Variants in FAM110C observed in about 807,000 individuals in gnomAD.
FAM110C encodes the protein protein FAM110C.
Under a neutral mutation model 15.7 loss-of-function variants are expected in FAM110C, and 19 were observed. The observed-to-expected ratio is 1.21, with a 90% CI of 0.85 to 1.78. The LOEUF is 1.78. Among genes scored for constraint, FAM110C ranks in the 40% most tolerant of loss-of-function variants. The pLI is 0.00. For missense variants in FAM110C, 547 were observed against 495.7 expected (o/e 1.10, Z -0.98); for synonymous variants, 275 against 233.9 (o/e 1.18, Z -1.61).
Position 45,070 on chromosome 2 carries a change from T to C in FAM110C, c.946+370A>G. The C allele has an allele frequency of 3.0e-6, 3 of 985,410 alleles. No homozygotes were observed. In the South Asian group the frequency reaches 1.4e-4, roughly 46 times the overall value. The allele number at this position is 985,410 out of a possible 1,614,324, so 61.0% of individuals were successfully genotyped here. A position where few individuals can be genotyped will look rare whatever the true frequency, so the allele number is the denominator to read the frequency against. On this transcript the variant is annotated intron_variant, in intron 1 of 1. Coordinates refer to ENST00000327669, the MANE Select transcript of FAM110C (RefSeq NM_001077710.3). ...CAGGAACTAGGGCTCTCAAGCTGTT[T>C]TCAGCTCAGGAAAGAATACTAGGGG...
Position 46,316 on chromosome 2 carries a change from G to A in FAM110C, c.70C>T (p.Arg24Trp). The change falls in exon 1 of 2, where the codon CGG becomes TGG. Residue 24 changes from arginine to tryptophan, a missense_variant. Physicochemically the swap from Arg to Trp is moderately radical, Grantham distance 101 (BLOSUM62 -3). Coordinates refer to ENST00000327669, the MANE Select transcript of FAM110C (RefSeq NM_001077710.3). ...GCCGGCCGCGCGGCGTCGGGGTCCC[G>A]GGTAGCCGCGGGGTCCCGGGGAAGG... ...RLLPRDPAAT[R>W]DPDAARPARR... The A allele has an allele frequency of 2.3e-6, 3 of 1,327,598 alleles. No homozygotes were observed. The highest frequency in any genetic ancestry group is 1.9e-6 in the Non-Finnish European group (2 of 1,046,036). 82.2% of individuals were successfully genotyped at this position (1,327,598 alleles called of 1,614,324 possible).
In FAM110C at chr2:45,872, C is replaced by A; in HGVS notation, c.514G>T (p.Ala172Ser). 1 of 1,487,164 alleles carries A rather than the reference C, an allele frequency of 6.7e-7. No homozygotes were observed. Among genetic ancestry groups the A allele is most frequent in the Non-Finnish European group, 8.9e-7 (1 of 1,128,246 alleles). 92.1% of individuals were successfully genotyped at this position (1,487,164 alleles called of 1,614,324 possible). ...PAIPETPAPA[A>S]RSAAPSSVPA... The stretch of plus-strand genomic sequence containing the variant: ...ACACTGGAGGGCGCCGCGGACCGCG[C>A]GGCTGGGGCTGGGGTCTCGGGGATT... Residue 172 changes from alanine to serine, a missense_variant, in exon 1 of 2, where the codon GCG becomes TCG. Coordinates refer to ENST00000327669, the MANE Select transcript of FAM110C (RefSeq NM_001077710.3).
At chr2:43,016 T>C (rs1395804303) in intron 1 of FAM110C, 1 of 985,340 alleles carries the variant, frequency 1.0e-6, no homozygotes, top group Non-Finnish European at 1.2e-6. Context: ...TCCCTGCTGG[T>C]CTCCTCCAGT....
In FAM110C at chr2:46,315, C is replaced by T; in HGVS notation, c.71G>A (p.Arg24Gln). Residue 24 changes from arginine (R) to glutamine (Q), a missense_variant, in exon 1 of 2, where the codon CGG becomes CAG. Coordinates refer to ENST00000327669, the MANE Select transcript of FAM110C (RefSeq NM_001077710.3). ...CGCCGGCCGCGCGGCGTCGGGGTCC[C>T]GGGTAGCCGCGGGGTCCCGGGGAAG... ...RLLPRDPAAT[R>Q]DPDAARPARR... 1 of 1,327,092 alleles carries T rather than the reference C, an allele frequency of 7.5e-7. No individual in the cohort carries two copies. Among genetic ancestry groups the T allele is most frequent in the Non-Finnish European group, 9.6e-7 (1 of 1,045,742 alleles). 82.2% of individuals were successfully genotyped at this position (1,327,092 alleles called of 1,614,324 possible).
intron 1 of FAM110C, chr2:43,295 C>T: frequency 7.1e-6 from 7 of 985,344 alleles, no homozygotes; most frequent in Non-Finnish European, 7.2e-6. Context: ...GGACTGTACC[C>T]CTGCTCTGAG....
At chr2:42,678 G>A (rs952928459) in intron 1 of FAM110C, 1 of 328,966 alleles carries the variant, frequency 3.0e-6, no homozygotes, top group African/African-American at 2.2e-5. Context: ...ACCCCATGGG[G>A]CAAGAAACTT....
intron 1 of FAM110C, chr2:43,724 C>A: frequency 2.0e-6 from 2 of 985,336 alleles, no homozygotes; most frequent in Non-Finnish European, 2.4e-6. Context: ...ACATTATTAC[C>A]TCCCCACTAT....
In FAM110C at chr2:43,370, G is replaced by C. The variant is rs1664179912; in HGVS notation, c.947-1743C>G. ...TCCAGTCTGGAACAAACGGGATTCA[G>C]GTGGAGGGAGACATGAGGGGAGGAA... On this transcript the variant is annotated intron_variant, in intron 1 of 1. Coordinates refer to ENST00000327669, the MANE Select transcript of FAM110C (RefSeq NM_001077710.3). The C allele has an allele frequency of 5.1e-6, 5 of 985,290 alleles. 1 individual carries two copies. The South Asian group carries it at 2.3e-4, about 46-fold the overall frequency. The allele number at this position is 985,290 out of a possible 1,614,324, so 61.0% of individuals were successfully genotyped here. A position where few individuals can be genotyped will look rare whatever the true frequency, so the allele number is the denominator to read the frequency against.
Position 45,729 on chromosome 2 carries a change from G to C in FAM110C, c.657C>G (p.Phe219Leu). The C allele has an allele frequency of 6.3e-7, 1 of 1,599,858 alleles. No homozygotes were observed. The highest frequency in any genetic ancestry group is 1.1e-5 in the South Asian group (1 of 89,350). The change falls in exon 1 of 2, where the codon TTC becomes TTG. Residue 219 changes from phenylalanine (F) to leucine (L), a missense_variant. Coordinates refer to ENST00000327669, the MANE Select transcript of FAM110C (RefSeq NM_001077710.3). ...SAALAESDTF[F>L]QYCGLDPEVV... ...CCTCGGGGTCCAGGCCGCAGTACTG[G>C]AAGAAGGTGTCAGACTCGGCCAAGG...
chr2:45,648 G>C lies in FAM110C; in HGVS notation c.738C>G (p.Leu246=). ...TGGCGACGCTCACGCTGCGCACCTT[G>C]AGGGTCACACAGTCCGACCCCGCGG... ...NFTAGSDCVT[L]KVRSVSVATS... Residue 246 remains leucine (L), a synonymous_variant, in exon 1 of 2, where the codon CTC becomes CTG. Transcript: ENST00000327669. 6.2e-7 allele frequency: 1 copy of C among 1,612,246 alleles called. No homozygotes were observed. Among genetic ancestry groups the C allele is most frequent in the South Asian group, 1.1e-5 (1 of 90,882 alleles).
Position 46,305 on chromosome 2 carries a change from G to T in FAM110C, c.81C>A (p.Asp27Glu), listed in dbSNP as rs1664310076. Reference sequence around the variant, plus strand: ...CGCTCCTGCGCGCCGGCCGCGCGGCGTCGGGGTCCCGGGTAGCCGCGGGGT... The same window carrying T: ...CGCTCCTGCGCGCCGGCCGCGCGGCTTCGGGGTCCCGGGTAGCCGCGGGGT... ...PRDPAATRDP[D>E]AARPARRSAV... Residue 27 changes from aspartate to glutamate, a missense_variant, in exon 1 of 2, where the codon GAC (aspartate) becomes GAA (glutamate). Physicochemically the swap from Asp to Glu is conservative, Grantham distance 45 (BLOSUM62 2). Transcript: ENST00000327669. 2.7e-5 allele frequency: 36 copies of T among 1,331,680 alleles called. No homozygotes were observed. The highest frequency in any genetic ancestry group is 3.3e-5 in the Non-Finnish European group (35 of 1,047,052). 82.5% of individuals were successfully genotyped at this position (1,331,680 alleles called of 1,614,324 possible). A position where few individuals can be genotyped will look rare whatever the true frequency, so the allele number is the denominator to read the frequency against.
chr2:43,967 T>C (rs1490243031), intron 1 of FAM110C: 4 of 985,320 alleles, frequency 4.1e-6, no homozygotes, highest in South Asian at 4.7e-5. Flanking sequence ...TGGTCTATAG[T>C]GCAGGAATCA....
chr2:45,863 CG>C lies in FAM110C; in HGVS notation c.522del (p.Ala175ArgfsTer18), dbSNP rs1315145069. 1.3e-6 allele frequency: 2 copies of C among 1,498,262 alleles called. No homozygotes were observed. Among genetic ancestry groups the C allele is most frequent in the African/African-American group, 2.8e-5 (2 of 70,244 alleles). The allele number at this position is 1,498,262 out of a possible 1,614,324, so 92.8% of individuals were successfully genotyped here. A position where few individuals can be genotyped will look rare whatever the true frequency, so the allele number is the denominator to read the frequency against. On this transcript the variant is annotated frameshift_variant, in exon 1 of 2. Transcript: ENST00000327669. LOFTEE classifies it high-confidence loss of function. ...IPETPAPAARSAAPSSVPAAP... is the reference protein window; with the variant it reads ...IPETPAPAARXAAPSSVPAAP... Reference sequence around the variant, plus strand: ...GCGGCCGGGACACTGGAGGGCGCCGCGGACCGCGCGGCTGGGGCTGGGGTCT... The same window carrying C: ...GCGGCCGGGACACTGGAGGGCGCCGCGACCGCGCGGCTGGGGCTGGGGTCT...
Position 46,491 on chromosome 2 carries a change from G to T in FAM110C, c.-106C>A. On this transcript the variant is annotated 5_prime_UTR_variant, in exon 1 of 2. Coordinates refer to ENST00000327669, the MANE Select transcript of FAM110C (RefSeq NM_001077710.3). ...GGTTCCGAAGTCCGCGCCGGGTGGGGAACGGCGCCCCAGTGCCCAGCTGCC... is the reference window on the plus strand; with the variant it reads ...GGTTCCGAAGTCCGCGCCGGGTGGGTAACGGCGCCCCAGTGCCCAGCTGCC... 1.1e-6 allele frequency: 1 copy of T among 890,446 alleles called. No individual in the cohort carries two copies. Among genetic ancestry groups the T allele is most frequent in the Non-Finnish European group, 1.5e-6 (1 of 673,000 alleles). 55.2% of individuals were successfully genotyped at this position (890,446 alleles called of 1,614,324 possible).
chr2:41,404 G>T lies in FAM110C; in HGVS notation c.*204C>A. On this transcript the variant is annotated 3_prime_UTR_variant, in exon 2 of 2. Coordinates refer to ENST00000327669, the MANE Select transcript of FAM110C (RefSeq NM_001077710.3). Reference sequence around the variant, plus strand: ...ACCTCAAACAAGGAAGACACCTCTTGGAGTTTCAGCTGTTACAACTCAGCT... The same window carrying T: ...ACCTCAAACAAGGAAGACACCTCTTTGAGTTTCAGCTGTTACAACTCAGCT... The T allele has an allele frequency of 2.1e-6, 1 of 486,578 alleles. No individual in the cohort carries two copies. The highest frequency in any genetic ancestry group is 3.5e-6 in the Non-Finnish European group (1 of 282,192). The allele number at this position is 486,578 out of a possible 1,614,324, so 30.1% of individuals were successfully genotyped here.
Position 40,715 on chromosome 2 carries a change from T to C in FAM110C, c.*893A>G, listed in dbSNP as rs1253909361. The C allele has an allele frequency of 6.6e-6, 1 of 152,332 alleles. No individual in the cohort carries two copies. The highest frequency in any genetic ancestry group is 1.9e-4 in the East Asian group (1 of 5,180). The allele number at this position is 152,332 out of a possible 1,614,324, so 9.4% of individuals were successfully genotyped here. On this transcript the variant is annotated 3_prime_UTR_variant, in exon 2 of 2. Coordinates refer to ENST00000327669, the MANE Select transcript of FAM110C (RefSeq NM_001077710.3). ...AGAGGTCCTGCCTCAGATGCCCGTG[T>C]TCTGTGTAAACCAAAGTTTTCTGTT...
chr2:41,444 G>A lies in FAM110C; in HGVS notation c.*164C>T. On this transcript the variant is annotated 3_prime_UTR_variant, in exon 2 of 2. Transcript: ENST00000327669. ...ACAACTCAGCTAAATTTCAAGGTCTGTGTTCCCATATTCTCTGTAGTATTT... is the reference window on the plus strand; with the variant it reads ...ACAACTCAGCTAAATTTCAAGGTCTATGTTCCCATATTCTCTGTAGTATTT... The A allele has an allele frequency of 1.5e-6, 1 of 669,198 alleles. No homozygotes were observed. The highest frequency in any genetic ancestry group is 2.4e-6 in the Non-Finnish European group (1 of 421,358). 41.5% of individuals were successfully genotyped at this position (669,198 alleles called of 1,614,324 possible). A position where few individuals can be genotyped will look rare whatever the true frequency, so the allele number is the denominator to read the frequency against.
intron 1 of FAM110C, 72 bp from the exon 2 acceptor site, chr2:41,699 T>C (rs1664130211): frequency 1.9e-6 from 3 of 1,602,718 alleles, no homozygotes; most frequent in Non-Finnish European, 2.6e-6. Flanking sequence ...AAACTAAACA[T>C]TATACTGGTC....
chr2:46,332 C>A lies in FAM110C; in HGVS notation c.54G>T (p.Arg18=). ...SAPPNERLLP[R]DPAATRDPDA... ...CGGGGTCCCGGGTAGCCGCGGGGTCCCGGGGAAGGAGCCGCTCGTTCGGGG... is the reference window on the plus strand; with the variant it reads ...CGGGGTCCCGGGTAGCCGCGGGGTCACGGGGAAGGAGCCGCTCGTTCGGGG... The change falls in exon 1 of 2, where the codon CGG becomes CGT. Residue 18 remains arginine (R), a synonymous_variant. Transcript: ENST00000327669. 7.6e-7 allele frequency: 1 copy of A among 1,318,326 alleles called. No individual in the cohort carries two copies. The highest frequency in any genetic ancestry group is 9.6e-7 in the Non-Finnish European group (1 of 1,040,060). The allele number at this position is 1,318,326 out of a possible 1,614,324, so 81.7% of individuals were successfully genotyped here. A position where few individuals can be genotyped will look rare whatever the true frequency, so the allele number is the denominator to read the frequency against.
Sources: gnomAD v4.1 joint callset for allele counts on GRCh38, gnomAD v4.1.1 for gene constraint, MANE v1.5 for transcripts, NCBI Gene and HGNC (gene_info 2026-07-23, HGNC 2026-07-21) for gene names.